Variants in AKAP19 observed in about 807,000 individuals in gnomAD.
The protein encoded by AKAP19 is A-kinase anchoring protein 19.
chr2:190,000,490 T>C, the AKAP19 span, among the ~76,000 whole-genome samples: 3 of 152,202 alleles, frequency 2.0e-5, no homozygotes, highest in Non-Finnish European at 4.4e-5. Context: ...CTATATCCAT[T>C]TGGTGTAGGT....
chr2:189,937,685 G>T, the AKAP19 span, among the ~76,000 whole-genome samples: 1 of 152,148 alleles, frequency 6.6e-6, no homozygotes, highest in Non-Finnish European at 1.5e-5. Context: ...GACCATCAGA[G>T]AAATGCAAAT....
the AKAP19 span, among the ~76,000 whole-genome samples, chr2:189,931,946 C>A: frequency 6.6e-6 from 1 of 152,066 alleles, no homozygotes; most frequent in East Asian, 1.9e-4. Context: ...GATTTACAGT[C>A]CTTATTTAAA....
At chr2:189,993,731 C>G in the AKAP19 span, among the ~76,000 whole-genome samples, 2 of 152,078 alleles carry the variant, frequency 1.3e-5, no homozygotes. Flanking sequence ...CTGATTTAAT[C>G]TAGGAGGGTT....
At chr2:189,957,926 A>C in the AKAP19 span, among the ~76,000 whole-genome samples, 1 of 151,936 alleles carries the variant, frequency 6.6e-6, no homozygotes, top group Non-Finnish European at 1.5e-5. Flanking sequence ...CCCGAGTAGC[A>C]GGGACTACAG....
chr2:189,979,810 A>C, the AKAP19 span, among the ~76,000 whole-genome samples: 2 of 152,216 alleles, frequency 1.3e-5, no homozygotes, highest in African/African-American at 4.8e-5. Flanking sequence ...GCCAATAAAC[A>C]TGAAAAAATG....
the AKAP19 span, among the ~76,000 whole-genome samples, chr2:189,881,216 G>C: frequency 6.6e-6 from 1 of 152,120 alleles, no homozygotes; most frequent in African/African-American, 2.4e-5. Flanking sequence ...CTTGTGAAAG[G>C]AAAATAAATC....
the AKAP19 span, among the ~76,000 whole-genome samples, chr2:190,006,974 C>T: frequency 2.6e-5 from 4 of 151,956 alleles, no homozygotes; most frequent in African/African-American, 7.3e-5. Context: ...GAGCCGAGAT[C>T]GCACCACTGC....
the AKAP19 span, among the ~76,000 whole-genome samples, chr2:189,951,390 C>T: frequency 5.9e-5 from 9 of 151,818 alleles, no homozygotes; most frequent in Non-Finnish European, 1.2e-4. Context: ...TTGGTAGAGA[C>T]GGGGTTTCAC....
the AKAP19 span, among the ~76,000 whole-genome samples, chr2:190,068,869 A>G: frequency 6.6e-6 from 1 of 152,254 alleles, no homozygotes; most frequent in South Asian, 2.1e-4. Context: ...TTGACACTGC[A>G]GTAGTTCTCC....
the AKAP19 span, among the ~76,000 whole-genome samples, chr2:190,130,411 C>T: frequency 6.6e-6 from 1 of 152,164 alleles, no homozygotes; most frequent in Non-Finnish European, 1.5e-5. Context: ...ATTCATCAGG[C>T]CAGCCATATT....
the AKAP19 span, among the ~76,000 whole-genome samples, chr2:189,939,422 A>C: frequency 6.6e-6 from 1 of 152,198 alleles, no homozygotes; most frequent in Non-Finnish European, 1.5e-5. Flanking sequence ...CAGTGGAAAA[A>C]AAAAGTAAAT....
At chr2:190,189,522 G>A in the AKAP19 span, among the ~76,000 whole-genome samples, 4 of 152,094 alleles carry the variant, frequency 2.6e-5, no homozygotes, top group African/African-American at 7.2e-5. Flanking sequence ...TAATAGATAC[G>A]GCTAAACCAG....
chr2:190,190,008 T>TA, the AKAP19 span: 2 of 152,212 alleles, frequency 1.3e-5, no homozygotes, highest in African/African-American at 4.8e-5. Context: ...CTTTTTCAGA[T>TA]AAAATACATC....
the AKAP19 span, among the ~76,000 whole-genome samples, chr2:190,070,280 A>G: frequency 1.3e-5 from 2 of 152,104 alleles, no homozygotes; most frequent in Non-Finnish European, 2.9e-5. Context: ...ATATAACATC[A>G]TTACTTAACT....
the AKAP19 span, among the ~76,000 whole-genome samples, chr2:190,013,928 CTTTTATTTCTGCTCTGA>C: frequency 3.3e-5 from 5 of 151,990 alleles, no homozygotes; most frequent in African/African-American, 1.2e-4. Context: ...ATTTCTATTT[CTTTTATTTCTGCTCTGA>C]TTTTATTTCC....
chr2:190,022,260 A>G, the AKAP19 span, among the ~76,000 whole-genome samples: 2 of 152,178 alleles, frequency 1.3e-5, no homozygotes, highest in Admixed American at 1.3e-4. Context: ...AATTGAGAGA[A>G]CTATCTACAG....
the AKAP19 span, among the ~76,000 whole-genome samples, chr2:190,022,391 C>T: frequency 2.0e-5 from 3 of 151,912 alleles, no homozygotes; most frequent in Non-Finnish European, 4.4e-5. Context: ...AATCATGCAC[C>T]CTACCCAAAT....
At chr2:190,028,531 C>CT in the AKAP19 span, among the ~76,000 whole-genome samples, 38 of 151,250 alleles carry the variant, frequency 2.5e-4, no homozygotes, top group South Asian at 4.6e-3. Context: ...TGATAACTAC[C>CT]TTTTTTTTTA....
At chr2:190,080,669 G>A in the AKAP19 span, among the ~76,000 whole-genome samples, 2 of 152,230 alleles carry the variant, frequency 1.3e-5, no homozygotes, top group Non-Finnish European at 2.9e-5. Context: ...GTATATGTCA[G>A]GCATTGGTCC....
Sources: gnomAD v4.1 joint callset for allele counts (sites outside exome capture counted in the v4.1 genomes callset) on GRCh38, gnomAD v4.1.1 for gene constraint, MANE v1.5 for transcripts, NCBI Gene and HGNC (gene_info 2026-07-23, HGNC 2026-07-21) for gene names.